The following JAKMIP3 variants were observed in gnomAD, a reference collection of about 807,000 sequenced individuals.
The protein encoded by JAKMIP3 is Janus kinase and microtubule interacting protein 3.
Under a neutral mutation model 118.5 loss-of-function variants are expected in JAKMIP3, and 58 were observed. The ratio of observed to expected loss-of-function variants is 0.49; its 90% CI spans 0.40 to 0.61. The LOEUF (loss-of-function observed/expected upper bound fraction) is 0.61. JAKMIP3 is among the 20% of genes least tolerant of loss of function. The pLI is 0.00. For missense variants in JAKMIP3, 950 were observed against 1,109.0 expected (o/e 0.86, Z 2.04); for synonymous variants, 486 against 451.2 (o/e 1.08, Z -0.98).
intron 2 of JAKMIP3, among the ~76,000 whole-genome samples, chr10:132,106,357 T>A (rs982818393): frequency 2.6e-4 from 33 of 126,406 alleles, no homozygotes; most frequent in Admixed American, 5.8e-4. Context: ...AAAAATGATT[T>A]AAAAAAAAAA....
chr10:132,089,660 A>G (rs1589784980), intron 1 of JAKMIP3, among the ~76,000 whole-genome samples: 1 of 152,296 alleles, frequency 6.6e-6, no homozygotes, highest in African/African-American at 2.4e-5. Context: ...GCAAACAGGG[A>G]CAATTTGACT....
chr10:132,098,302 G>A (rs901358428), intron 1 of JAKMIP3, among the ~76,000 whole-genome samples: 1 of 152,066 alleles, frequency 6.6e-6, no homozygotes, highest in African/African-American at 2.4e-5. Flanking sequence ...GGGATTACAG[G>A]CCTCAGCCAC....
intron 1 of JAKMIP3, among the ~76,000 whole-genome samples, chr10:132,057,866 A>C (rs1322404176): frequency 6.6e-6 from 1 of 152,232 alleles, no homozygotes; most frequent in Non-Finnish European, 1.5e-5. Context: ...GTTTTGGATC[A>C]GATACACTAA....
rs148704177 is a variant in JAKMIP3 at position 132,183,107 on chromosome 10, C to T, written c.*1854C>T. Reference sequence around the variant, plus strand: ...TAGTTTTGTCTCATTTTAACGACTGCATCTTCTTGGCACATTTATTATACT... The same window carrying T: ...TAGTTTTGTCTCATTTTAACGACTGTATCTTCTTGGCACATTTATTATACT... On this transcript the variant is annotated 3_prime_UTR_variant, in exon 24 of 24. Transcript: ENST00000684848. The T allele has an allele frequency of 1.3e-5, 2 of 152,318 alleles. No homozygotes were observed. Among genetic ancestry groups the T allele is most frequent in the Admixed American group, 6.5e-5 (1 of 15,300 alleles). 9.4% of individuals were successfully genotyped at this position (152,318 alleles called of 1,614,324 possible).
chr10:132,137,320 C>T (rs375650931), intron 8 of JAKMIP3, 31 bp downstream of exon 8: 1 of 1,613,274 alleles, frequency 6.2e-7, no homozygotes, highest in Non-Finnish European at 8.5e-7. Flanking sequence ...CTTCCCCACG[C>T]CTCCGCTCCC....
intron 1 of JAKMIP3, among the ~76,000 whole-genome samples, chr10:132,059,458 G>C (rs2038333215): frequency 6.6e-6 from 1 of 152,266 alleles, no homozygotes; most frequent in East Asian, 1.9e-4. Flanking sequence ...TAACTTAACA[G>C]AGCCTGGCGT....
At chr10:132,059,348 G>C (rs1373509618) in intron 1 of JAKMIP3, among the ~76,000 whole-genome samples, 1 of 152,248 alleles carries the variant, frequency 6.6e-6, no homozygotes, top group African/African-American at 2.4e-5. Context: ...TGCATTTGAA[G>C]CCTTTCATAT....
chr10:132,131,192 G>A (rs932605833), intron 3 of JAKMIP3, among the ~76,000 whole-genome samples: 1 of 151,508 alleles, frequency 6.6e-6, no homozygotes, highest in African/African-American at 2.4e-5. Context: ...AGGGAGTATG[G>A]GGGCGTTGTG....
chr10:132,082,793 TAGAGAC>T (rs2041945742), intron 1 of JAKMIP3, among the ~76,000 whole-genome samples: 1 of 152,204 alleles, frequency 6.6e-6, no homozygotes, highest in African/African-American at 2.4e-5. Context: ...ATATTTTTAA[TAGAGAC>T]AGAGTTTCAC....
At chr10:132,154,047 C>T (rs1235166019) in intron 19 of JAKMIP3, 57 bp downstream of exon 19, 24 of 1,542,502 alleles carry the variant, frequency 1.6e-5, no homozygotes, top group East Asian at 2.2e-5. Flanking sequence ...GAAACGGCCA[C>T]GTGGCTCAGG....
chr10:132,159,797 G>GA (rs1564982532), intron 19 of JAKMIP3, among the ~76,000 whole-genome samples: 2 of 85,536 alleles, frequency 2.3e-5, no homozygotes. Flanking sequence ...GTGATGCTGG[G>GA]GGGCCTCTCG....
At chr10:132,108,425 A>G (rs2046252940) in intron 2 of JAKMIP3, among the ~76,000 whole-genome samples, 1 of 152,080 alleles carries the variant, frequency 6.6e-6, no homozygotes, top group Non-Finnish European at 1.5e-5. Context: ...GAAAATAATT[A>G]TTCTTCATCT....
intron 4 of JAKMIP3, among the ~76,000 whole-genome samples, chr10:132,133,779 C>T (rs1052306402): frequency 1.3e-5 from 2 of 152,254 alleles, no homozygotes; most frequent in Non-Finnish European, 2.9e-5. Flanking sequence ...GTCACCCTCC[C>T]GTGGGCCCCG....
intron 1 of JAKMIP3, among the ~76,000 whole-genome samples, chr10:132,043,633 T>C (rs1418543071): frequency 6.6e-6 from 1 of 152,188 alleles, no homozygotes; most frequent in Non-Finnish European, 1.5e-5. Context: ...GCCTGGGCTT[T>C]ACCAATGTGG....
intron 1 of JAKMIP3, among the ~76,000 whole-genome samples, chr10:132,038,237 T>A (rs7894548): frequency 6.6e-6 from 1 of 151,870 alleles, no homozygotes; most frequent in Non-Finnish European, 1.5e-5. Flanking sequence ...TGAAGAGGAC[T>A]GGTGGTGGGT....
Position 132,098,029 on chromosome 10 carries a change from CT to C in JAKMIP3, c.-137-6638del, listed in dbSNP as rs1288499449. Among the ~76,000 whole-genome samples, 89 of 124,728 alleles carry C rather than the reference CT, an allele frequency of 7.1e-4. 2 individuals are homozygous for C. Among genetic ancestry groups the C allele is most frequent in the Non-Finnish European group, 1.0e-3 (60 of 60,082 alleles). The allele number at this position is 124,728 out of a possible 152,430, so 81.8% of individuals were successfully genotyped here. On this transcript the variant is annotated intron_variant, in intron 1 of 23. Transcript: ENST00000684848. Reference sequence around the variant, plus strand: ...CTCCTTCCTTTTTTTTTTCTTTCTTCTTTTTCTTTTCTCTTTCTTTTTTTGA... The same window carrying C: ...CTCCTTCCTTTTTTTTTTCTTTCTTCTTTTCTTTTCTCTTTCTTTTTTTGA...
chr10:132,158,316 G>A (rs1422058356), intron 19 of JAKMIP3, among the ~76,000 whole-genome samples: 2 of 152,184 alleles, frequency 1.3e-5, no homozygotes, highest in Non-Finnish European at 2.9e-5. Context: ...AGGAGTGGGG[G>A]CCCTGGCCCA....
At chr10:132,149,613 C>CTCTCCGCCCCCGCCCCACCCCCT in intron 15 of JAKMIP3, 103 bp downstream of exon 15, 6 of 122,270 alleles carry the variant, frequency 4.9e-5, no homozygotes, top group Non-Finnish European at 7.4e-5. Flanking sequence ...GCCCCACCCC[C>CTCTCCGCCCCCGCCCCACCCCCT]CTCCGCCCCC....
intron 2 of JAKMIP3, among the ~76,000 whole-genome samples, chr10:132,111,609 T>C (rs867574071): frequency 6.6e-6 from 1 of 151,770 alleles, no homozygotes; most frequent in African/African-American, 2.4e-5. Context: ...GAAAGGGGGT[T>C]ACTGATCACT....
Sources: gnomAD v4.1 joint callset for allele counts (sites outside exome capture counted in the v4.1 genomes callset) on GRCh38, gnomAD v4.1.1 for gene constraint, MANE v1.5 for transcripts, NCBI Gene and HGNC (gene_info 2026-07-23, HGNC 2026-07-21) for gene names.